The following FNDC3B variants were observed in gnomAD, a reference collection of about 807,000 sequenced individuals.
FNDC3B encodes the protein fibronectin type III domain-containing protein 3B.
A neutral mutation model predicts 151.5 loss-of-function variants in FNDC3B; 12 were observed. That is an observed-to-expected ratio of 0.08 (90% CI 0.05 to 0.13). FNDC3B has a LOEUF of 0.13. Among genes scored for constraint, FNDC3B ranks in the 10% least tolerant of loss-of-function variants. The pLI is 1.00. For synonymous variants in FNDC3B, 528 were observed against 549.0 expected (o/e 0.96, Z 0.54); for missense variants, 1,214 against 1,505.3 (o/e 0.81, Z 3.20).
intron 1 of FNDC3B, among the ~76,000 whole-genome samples, chr3:172,049,045 T>C (rs1358067927): frequency 6.6e-6 from 1 of 152,232 alleles, no homozygotes; most frequent in Non-Finnish European, 1.5e-5. Context: ...GTGGCGATGG[T>C]TGTACAACAT....
At chr3:172,163,804 C>T (rs1423826555) in intron 3 of FNDC3B, among the ~76,000 whole-genome samples, 1 of 152,146 alleles carries the variant, frequency 6.6e-6, no homozygotes, top group Non-Finnish European at 1.5e-5. Flanking sequence ...AGAGTTTCTT[C>T]AAAATAGTTA....
At chr3:172,050,754 T>C (rs540529329) in intron 1 of FNDC3B, among the ~76,000 whole-genome samples, 47 of 150,170 alleles carry the variant, frequency 3.1e-4, no homozygotes, top group Non-Finnish European at 5.9e-4. Context: ...ATATATACTA[T>C]ATATACTCTT....
At chr3:172,056,356 G>A (rs968502001) in intron 1 of FNDC3B, among the ~76,000 whole-genome samples, 17 of 152,330 alleles carry the variant, frequency 1.1e-4, no homozygotes, top group Non-Finnish European at 1.5e-5. Context: ...TTAATGGCAA[G>A]TTGTGTTAGA....
chr3:172,388,401 A>G (rs887173786), intron 25 of FNDC3B, among the ~76,000 whole-genome samples: 3 of 152,218 alleles, frequency 2.0e-5, no homozygotes, highest in Non-Finnish European at 4.4e-5. Context: ...AAGAACAGAA[A>G]TAGTCTTTGT....
At chr3:172,308,422 G>C (rs1221138396) in intron 10 of FNDC3B, among the ~76,000 whole-genome samples, 3 of 152,208 alleles carry the variant, frequency 2.0e-5, no homozygotes, top group Non-Finnish European at 4.4e-5. Flanking sequence ...GATGGAGGTA[G>C]AGATAAAGAT....
chr3:172,357,407 G>A (rs1704224909), intron 22 of FNDC3B, among the ~76,000 whole-genome samples: 1 of 152,182 alleles, frequency 6.6e-6, no homozygotes, highest in Non-Finnish European at 1.5e-5. Context: ...TTCAAGATTA[G>A]CATGTTACTT....
At chr3:172,247,389 A>G (rs1312174611) in intron 4 of FNDC3B, 144 bp from the exon 5 acceptor site, 2 of 827,024 alleles carry the variant, frequency 2.4e-6, no homozygotes, top group Non-Finnish European at 3.8e-6. Flanking sequence ...TGACTGGTTG[A>G]ACTAGAGAAC....
chr3:172,225,424 G>T, intron 3 of FNDC3B: 1 of 227,348 alleles, frequency 4.4e-6, no homozygotes, highest in South Asian at 7.0e-5. Flanking sequence ...CCACAGTGCT[G>T]AGCCTTGTCT....
intron 25 of FNDC3B, among the ~76,000 whole-genome samples, chr3:172,387,830 C>T (rs1735797881): frequency 6.6e-6 from 1 of 152,132 alleles, no homozygotes. Context: ...ATGAAAACCC[C>T]CAGGAAGCAG....
At chr3:172,366,484 A>G (rs1206610766) in intron 23 of FNDC3B, among the ~76,000 whole-genome samples, 1 of 152,178 alleles carries the variant, frequency 6.6e-6, no homozygotes, top group Non-Finnish European at 1.5e-5. Flanking sequence ...TAGGTGAAAA[A>G]AAAAACATAG....
intron 1 of FNDC3B, among the ~76,000 whole-genome samples, chr3:172,050,733 GTA>G (rs1553866363): frequency 2.2e-5 from 3 of 137,818 alleles, no homozygotes; most frequent in African/African-American, 7.8e-5. Flanking sequence ...GTGTGTGTGT[GTA>G]TAGTGTGTAT....
intron 24 of FNDC3B, among the ~76,000 whole-genome samples, chr3:172,380,076 C>CT (rs35196745): frequency 0.017 from 906 of 53,390 alleles, 5 homozygotes; most frequent in South Asian, 0.063. Context: ...TCTTCTTCTT[C>CT]TTTTTTTTTA....
At chr3:172,199,179 A>G in intron 3 of FNDC3B, among the ~76,000 whole-genome samples, 1 of 138,794 alleles carries the variant, frequency 7.2e-6, no homozygotes. Flanking sequence ...ATTTTATTTT[A>G]TTTTTTATTT....
chr3:172,132,045 G>A (rs1004567523), intron 2 of FNDC3B, among the ~76,000 whole-genome samples: 1 of 152,194 alleles, frequency 6.6e-6, no homozygotes, highest in South Asian at 2.1e-4. Context: ...ATTGATTGCA[G>A]TTGTAAATTC....
At chr3:172,286,928 A>G (rs947435549) in intron 7 of FNDC3B, among the ~76,000 whole-genome samples, 1 of 152,150 alleles carries the variant, frequency 6.6e-6, no homozygotes, top group Non-Finnish European at 1.5e-5. Context: ...GTGAAAGGCT[A>G]TGGGAGTCAA....
At chr3:172,289,597 G>T (rs1468535747) in intron 7 of FNDC3B, among the ~76,000 whole-genome samples, 1 of 152,166 alleles carries the variant, frequency 6.6e-6, no homozygotes, top group African/African-American at 2.4e-5. Flanking sequence ...TGAAGTTCTT[G>T]TTTGTGATTG....
chr3:172,195,476 C>G (rs1400920960), intron 3 of FNDC3B, among the ~76,000 whole-genome samples: 1 of 152,204 alleles, frequency 6.6e-6, no homozygotes, highest in Non-Finnish European at 1.5e-5. Context: ...AAGCTTTGCT[C>G]CATGGCAAAA....
intron 3 of FNDC3B, among the ~76,000 whole-genome samples, chr3:172,146,910 A>G (rs138238488): frequency 2.4e-3 from 373 of 152,342 alleles, no homozygotes; most frequent in African/African-American, 8.5e-3. Flanking sequence ...TGTAAACACA[A>G]TAGTTCACGT....
chr3:172,333,248 G>C, intron 14 of FNDC3B, 73 bp downstream of exon 14: 2 of 963,500 alleles, frequency 2.1e-6, no homozygotes, highest in Non-Finnish European at 3.4e-6. Context: ...TACCATGTCA[G>C]ATTGACTCTA....
Sources: gnomAD v4.1 joint callset for allele counts (sites outside exome capture counted in the v4.1 genomes callset) on GRCh38, gnomAD v4.1.1 for gene constraint, MANE v1.5 for transcripts, NCBI Gene and HGNC (gene_info 2026-07-23, HGNC 2026-07-21) for gene names.